Variants in WDR7 observed in about 807,000 individuals in gnomAD.
The protein encoded by WDR7 is WD repeat domain 7.
A neutral mutation model predicts 169.4 loss-of-function variants in WDR7; 46 were observed. The observed-to-expected ratio is 0.27, with a 90% CI of 0.21 to 0.35. The LOEUF (loss-of-function observed/expected upper bound fraction) is 0.35. Ranked by LOEUF, WDR7 falls within the 10% of genes least tolerant of loss-of-function variation. The pLI, the probability that WDR7 is intolerant of heterozygous loss-of-function variation, is 1.00. For missense variants in WDR7, 1,534 were observed against 1,859.3 expected (o/e 0.83, Z 3.22); for synonymous variants, 612 against 666.8 (o/e 0.92, Z 1.27).
chr18:56,718,100 A>T lies in WDR7; in HGVS notation c.1715A>T (p.Asp572Val), dbSNP rs540858158. 1 of 1,614,130 alleles carries T rather than the reference A, an allele frequency of 6.2e-7. No homozygotes were observed. The highest frequency in any genetic ancestry group is 1.1e-5 in the South Asian group (1 of 91,078). ...PIQVIKWRPS[D>V]DYLVVGCSDG... The stretch of plus-strand genomic sequence containing the variant: ...CAAGTAATCAAATGGAGGCCTTCTG[A>T]TGATTACCTGGTGGTGGGGTGTTCA... The change falls in exon 13 of 28, where the codon GAT (aspartate) becomes GTT (valine). Residue 572 changes from aspartate (D) to valine (V), a missense_variant. By Grantham distance (152) the Asp-to-Val change is radical. Coordinates refer to ENST00000254442, the MANE Select transcript of WDR7 (RefSeq NM_015285.3).
At chr18:56,861,535 G>A (rs2045804632) in intron 20 of WDR7, among the ~76,000 whole-genome samples, 1 of 152,208 alleles carries the variant, frequency 6.6e-6, no homozygotes, top group African/African-American at 2.4e-5. Context: ...CTCTGGAGTT[G>A]TTCCAGCAGC....
chr18:56,671,498 C>G (rs1284454916), intron 1 of WDR7, among the ~76,000 whole-genome samples: 1 of 152,134 alleles, frequency 6.6e-6, no homozygotes, highest in Non-Finnish European at 1.5e-5. Context: ...TCTTGAACTC[C>G]TGACTCAGGT....
chr18:56,726,479 C>T (rs921296802), intron 13 of WDR7, among the ~76,000 whole-genome samples: 4 of 152,104 alleles, frequency 2.6e-5, no homozygotes, highest in Admixed American at 6.6e-5. Flanking sequence ...ATAAGAATGC[C>T]TGTGATTTTT....
At chr18:56,668,111 T>G (rs953443792) in intron 1 of WDR7, among the ~76,000 whole-genome samples, 6 of 152,226 alleles carry the variant, frequency 3.9e-5, no homozygotes, top group Admixed American at 3.9e-4. Context: ...TTGAGTGATC[T>G]TTCTGAAAAG....
chr18:56,787,014 A>T (rs1568194412), intron 19 of WDR7, among the ~76,000 whole-genome samples: 2 of 152,140 alleles, frequency 1.3e-5, no homozygotes, highest in Admixed American at 1.3e-4. Flanking sequence ...TATAATTCAG[A>T]TGAAGATAAA....
intron 21 of WDR7, among the ~76,000 whole-genome samples, chr18:56,903,376 G>A (rs2046429893): frequency 1.3e-5 from 2 of 151,902 alleles, no homozygotes; most frequent in South Asian, 4.1e-4. Context: ...TAAAACAGTA[G>A]CCAATTGGTA....
intron 14 of WDR7, among the ~76,000 whole-genome samples, chr18:56,744,925 G>T (rs1453538291): frequency 6.6e-6 from 1 of 152,130 alleles, no homozygotes; most frequent in African/African-American, 2.4e-5. Flanking sequence ...AGTGTGCATG[G>T]CCATGGGAGT....
chr18:56,849,949 T>C (rs1323743754), intron 20 of WDR7, among the ~76,000 whole-genome samples: 1 of 152,172 alleles, frequency 6.6e-6, no homozygotes, highest in Non-Finnish European at 1.5e-5. Context: ...TATGATCTGC[T>C]CCTGTGTGCC....
intron 7 of WDR7, among the ~76,000 whole-genome samples, chr18:56,689,068 G>T (rs2025508888): frequency 6.6e-6 from 1 of 152,120 alleles, no homozygotes; most frequent in South Asian, 2.1e-4. Flanking sequence ...ATGAAAGCCA[G>T]ATGGCCAGTA....
At chr18:56,773,789 A>G (rs2044200424) in intron 16 of WDR7, among the ~76,000 whole-genome samples, 1 of 152,154 alleles carries the variant, frequency 6.6e-6, no homozygotes, top group African/African-American at 2.4e-5. Context: ...GCTCTATAAT[A>G]TCTGGACTAG....
intron 12 of WDR7, among the ~76,000 whole-genome samples, chr18:56,713,201 TTTATAA>T (rs980868659): frequency 2.6e-5 from 4 of 152,160 alleles, no homozygotes; most frequent in African/African-American, 9.7e-5. Flanking sequence ...CAGCAAAAAA[TTTATAA>T]TTATATGAAA....
At chr18:57,005,664 T>G (rs2048045703) in intron 26 of WDR7, among the ~76,000 whole-genome samples, 2 of 152,320 alleles carry the variant, frequency 1.3e-5, no homozygotes, top group East Asian at 1.9e-4. Flanking sequence ...TTAGTTTCTT[T>G]TTTTATATTT....
At chr18:57,034,210 AAAT>A, downstream of WDR7, 1 of 151,920 alleles carries the variant, frequency 6.6e-6, no homozygotes, top group Non-Finnish European at 1.5e-5. Context: ...CTCAAAAAAA[AAAT>A]AAATAAATAA....
At chr18:56,941,905 C>A (rs1326556097) in intron 25 of WDR7, among the ~76,000 whole-genome samples, 1 of 152,188 alleles carries the variant, frequency 6.6e-6, no homozygotes, top group African/African-American at 2.4e-5. Context: ...GCATCCTATC[C>A]AGGGCTGGTT....
intron 19 of WDR7, among the ~76,000 whole-genome samples, chr18:56,802,277 C>T (rs868268138): frequency 2.6e-5 from 4 of 151,830 alleles, no homozygotes; most frequent in African/African-American, 4.8e-5. Context: ...TGCCTATTTA[C>T]ATCTTTTGTC....
chr18:56,907,439 G>A, intron 21 of WDR7, among the ~76,000 whole-genome samples: 1 of 152,106 alleles, frequency 6.6e-6, no homozygotes, highest in South Asian at 2.1e-4. Flanking sequence ...TTGGATTCTG[G>A]ACGTGCCGTG....
At chr18:57,011,981 C>T (rs1167773412) in intron 26 of WDR7, among the ~76,000 whole-genome samples, 1 of 152,126 alleles carries the variant, frequency 6.6e-6, no homozygotes, top group Non-Finnish European at 1.5e-5. Flanking sequence ...TTTGGGGGTA[C>T]AGACAAGCTG....
rs774864520 is a variant in WDR7 at position 56,695,084 on chromosome 18, A to G, written c.1243A>G (p.Ile415Val). The G allele has an allele frequency of 1.2e-6, 2 of 1,614,164 alleles. No individual in the cohort carries two copies. The highest frequency in any genetic ancestry group is 2.2e-5 in the East Asian group (1 of 44,874). The change falls in exon 11 of 28, where the codon ATA (isoleucine) becomes GTA (valine). Residue 415 changes from isoleucine (I) to valine (V), a missense_variant. Ile to Val is a conservative substitution (Grantham distance 29). Coordinates refer to ENST00000254442, the MANE Select transcript of WDR7 (RefSeq NM_015285.3). ...EPLKVTASVY[I>V]PAHGRLVCGR... ...TCTTAAAGTAACTGCAAGTGTGTAC[A>G]TACCAGCACATGGACGACTTGTTTG...
At chr18:56,824,925 G>A (rs960204184) in intron 20 of WDR7, among the ~76,000 whole-genome samples, 6 of 152,228 alleles carry the variant, frequency 3.9e-5, no homozygotes, top group Non-Finnish European at 7.3e-5. Flanking sequence ...TGGAAGTTGG[G>A]ATGTGCTATT....
Sources: gnomAD v4.1 joint callset for allele counts (sites outside exome capture counted in the v4.1 genomes callset) on GRCh38, gnomAD v4.1.1 for gene constraint, MANE v1.5 for transcripts, NCBI Gene and HGNC (gene_info 2026-07-23, HGNC 2026-07-21) for gene names.